SLC35F2: variants seen among roughly 807,000 people sequenced by gnomAD.
The protein encoded by SLC35F2 is queuine/queuosine transporter SLC35F2.
SLC35F2 carries 25 observed loss-of-function variants against 38.1 expected under a neutral mutation model. That is an observed-to-expected ratio of 0.66 (90% CI 0.48 to 0.92). The LOEUF (loss-of-function observed/expected upper bound fraction) is 0.92. Among genes scored for constraint, SLC35F2 ranks in the 40% least tolerant of loss-of-function variants. SLC35F2 has a pLI of 0.00. For missense variants in SLC35F2, 409 were observed against 452.9 expected, an observed-to-expected ratio of 0.90 and a Z score of 0.88; for synonymous variants, 173 against 181.7, an observed-to-expected ratio of 0.95 and a Z score of 0.38.
chr11:107,827,964 T>A (rs1030969598), intron 1 of SLC35F2, among the ~76,000 whole-genome samples: 14 of 152,162 alleles, frequency 9.2e-5, no homozygotes, highest in Non-Finnish European at 2.1e-4. Context: ...ACTAGAGCTT[T>A]TTGGAGAACG....
At chr11:107,851,305 A>G (rs1225571833) in intron 1 of SLC35F2, among the ~76,000 whole-genome samples, 2 of 150,934 alleles carry the variant, frequency 1.3e-5, no homozygotes, top group African/African-American at 2.4e-5. Context: ...TTTACTAAAA[A>G]TACAAAAATT....
At chr11:107,834,396 AT>A (rs1565437910) in intron 1 of SLC35F2, among the ~76,000 whole-genome samples, 2 of 152,172 alleles carry the variant, frequency 1.3e-5, no homozygotes, top group African/African-American at 2.4e-5. Context: ...CACCCCTGTA[AT>A]CCCAGCACTT....
intron 1 of SLC35F2, among the ~76,000 whole-genome samples, chr11:107,825,897 AATAAATC>A (rs2134814083): frequency 6.6e-6 from 1 of 152,290 alleles, no homozygotes; most frequent in South Asian, 2.1e-4. Flanking sequence ...AGCGTAAAAT[AATAAATC>A]TCTATTTCAG....
chr11:107,816,276 G>T, intron 1 of SLC35F2: 2 of 983,910 alleles, frequency 2.0e-6, no homozygotes, highest in Non-Finnish European at 2.4e-6. Flanking sequence ...ACGTGTGTGT[G>T]TGTGTGTATG....
At chr11:107,824,478 C>T (rs1859723413) in intron 1 of SLC35F2, among the ~76,000 whole-genome samples, 1 of 152,146 alleles carries the variant, frequency 6.6e-6, no homozygotes, top group Non-Finnish European at 1.5e-5. Context: ...GAAACAGGTA[C>T]AGGCAAGTGA....
chr11:107,822,969 A>T (rs1444519326), intron 1 of SLC35F2, among the ~76,000 whole-genome samples: 1 of 152,086 alleles, frequency 6.6e-6, no homozygotes, highest in Non-Finnish European at 1.5e-5. Context: ...CAATGATGGG[A>T]TGCATTCATA....
At chr11:107,840,574 A>G (rs994166443) in intron 1 of SLC35F2, 1 of 152,218 alleles carries the variant, frequency 6.6e-6, no homozygotes, top group African/African-American at 2.4e-5. Context: ...TGTGTGATCT[A>G]AATTGTCCAA....
intron 1 of SLC35F2, among the ~76,000 whole-genome samples, chr11:107,827,168 T>C (rs906744269): frequency 6.6e-6 from 1 of 152,186 alleles, no homozygotes; most frequent in African/African-American, 2.4e-5. Context: ...AATTGACTCA[T>C]GAGTACTTCG....
chr11:107,833,230 G>A lies in SLC35F2; in HGVS notation c.111-17265C>T, dbSNP rs537591586. On this transcript the variant is annotated intron_variant, in intron 1 of 7. Transcript: ENST00000525815. ...GCAGATGAAGAAACTGAAGCTAAGA[G>A]AGTTGAAATGGCTGGATGCGGTGTC... is the stretch of plus-strand genomic sequence containing the variant. Among the ~76,000 whole-genome samples the A allele has an allele frequency of 2.0e-5, 3 of 152,190 alleles. No homozygotes were observed. The South Asian group carries it at 6.2e-4, about 32-fold the overall frequency.
At chr11:107,815,446 T>C (rs1591192813) in intron 2 of SLC35F2, among the ~76,000 whole-genome samples, 2 of 150,956 alleles carry the variant, frequency 1.3e-5, no homozygotes, top group East Asian at 3.9e-4. Context: ...AGTCACAGCT[T>C]ACTAGGGAGG....
At chr11:107,843,905 A>ATATG (rs1183643170) in intron 1 of SLC35F2, among the ~76,000 whole-genome samples, 2 of 123,756 alleles carry the variant, frequency 1.6e-5, no homozygotes, top group Non-Finnish European at 3.4e-5. Flanking sequence ...ATATATATAT[A>ATATG]TATGTATATT....
intron 7 of SLC35F2, among the ~76,000 whole-genome samples, chr11:107,793,115 C>T (rs1859160364): frequency 6.6e-6 from 1 of 152,170 alleles, no homozygotes; most frequent in Non-Finnish European, 1.5e-5. Context: ...CGGGGTTTTT[C>T]CATGTTGCCC....
intron 2 of SLC35F2, among the ~76,000 whole-genome samples, chr11:107,813,645 T>C (rs12808838): frequency 0.061 from 9,280 of 152,138 alleles, 315 homozygotes; most frequent in East Asian, 0.1. Flanking sequence ...TTATTAACCA[T>C]GTACAGTTCC....
chr11:107,794,812 T>C lies in SLC35F2; in HGVS notation c.940-2012A>G, dbSNP rs145348301. On this transcript the variant is annotated intron_variant, in intron 7 of 7. Transcript: ENST00000525815. ...TCTTATATCCAGAAAAACCTAAAGA[T>C]GCCACAAAATAGCTCTTAGATCTGA... 5.9e-3 allele frequency among the ~76,000 whole-genome samples: 901 copies of C among 152,246 alleles called. 9 individuals carry two copies. Among genetic ancestry groups the C allele is most frequent in the African/African-American group, 0.02 (844 of 41,556 alleles).
chr11:107,834,836 G>A (rs1859904166), intron 1 of SLC35F2, among the ~76,000 whole-genome samples: 1 of 151,944 alleles, frequency 6.6e-6, no homozygotes, highest in Non-Finnish European at 1.5e-5. Context: ...CATATTGCAT[G>A]ACTACAGATT....
chr11:107,852,074 A>G (rs1860196359), intron 1 of SLC35F2, among the ~76,000 whole-genome samples: 1 of 152,102 alleles, frequency 6.6e-6, no homozygotes. Context: ...ACCAAAATGA[A>G]AGGAGAAAGC....
chr11:107,820,128 C>G (rs963732273), intron 1 of SLC35F2, among the ~76,000 whole-genome samples: 1 of 151,068 alleles, frequency 6.6e-6, no homozygotes, highest in African/African-American at 2.5e-5. Context: ...TGGTGGTACA[C>G]GCCTGTAATC....
At chr11:107,816,094 C>T in intron 1 of SLC35F2, 129 bp from the exon 2 acceptor site, 1 of 1,300,590 alleles carries the variant, frequency 7.7e-7, no homozygotes, top group Non-Finnish European at 9.8e-7. Context: ...CCAGGTGGTT[C>T]TTCATTTCAT....
chr11:107,824,302 A>G (rs530383129), intron 1 of SLC35F2, among the ~76,000 whole-genome samples: 30 of 152,340 alleles, frequency 2.0e-4, no homozygotes, highest in African/African-American at 6.3e-4. Flanking sequence ...TTAACAAAAA[A>G]TGCACTATTA....
Sources: gnomAD v4.1 joint callset for allele counts (sites outside exome capture counted in the v4.1 genomes callset) on GRCh38, gnomAD v4.1.1 for gene constraint, MANE v1.5 for transcripts, NCBI Gene and HGNC (gene_info 2026-07-23, HGNC 2026-07-21) for gene names.